PCDHGA3: variants seen among roughly 807,000 people sequenced by gnomAD.
PCDHGA3 encodes protocadherin gamma subfamily A, 3.
A neutral mutation model predicts 58.5 loss-of-function variants in PCDHGA3; 40 were observed. The ratio of observed to expected loss-of-function variants is 0.68; its 90% CI spans 0.53 to 0.89. The LOEUF (loss-of-function observed/expected upper bound fraction) is 0.89. Among genes scored for constraint, PCDHGA3 ranks in the 40% least tolerant of loss-of-function variants. PCDHGA3 has a pLI of 0.00. For synonymous variants in PCDHGA3, 530 were observed against 525.7 expected, an observed-to-expected ratio of 1.01 and a Z score of -0.11; for missense variants, 1,223 against 1,195.9, an observed-to-expected ratio of 1.02 and a Z score of -0.33.
chr5:141,360,607 CT>C, intron 1 of PCDHGA3: 1 of 1,614,018 alleles, frequency 6.2e-7, no homozygotes, highest in Middle Eastern at 1.7e-4. Flanking sequence ...TGACCCAGCC[CT>C]GGATTCAGAT....
At chr5:141,365,453 G>A (rs1370392916) in intron 1 of PCDHGA3, 1 of 1,613,902 alleles carries the variant, frequency 6.2e-7, no homozygotes, top group Non-Finnish European at 8.5e-7. Context: ...ACATGATGGT[G>A]ATTCTGGAGA....
chr5:141,363,393 A>G (rs906655840), intron 1 of PCDHGA3, among the ~76,000 whole-genome samples: 2 of 152,232 alleles, frequency 1.3e-5, no homozygotes, highest in Non-Finnish European at 2.9e-5. Flanking sequence ...TTCTGTTGTC[A>G]TATAAAGATG....
chr5:141,418,254 A>T (rs1217236221), intron 1 of PCDHGA3: 2 of 1,613,904 alleles, frequency 1.2e-6, no homozygotes, highest in African/African-American at 2.7e-5. Flanking sequence ...CACGCCCCTC[A>T]ATTCCGGAAA....
chr5:141,426,086 G>A (rs751467304), intron 1 of PCDHGA3, among the ~76,000 whole-genome samples: 5 of 152,218 alleles, frequency 3.3e-5, no homozygotes, highest in Non-Finnish European at 7.3e-5. Context: ...CTACCAGGAC[G>A]ATATTCTGTT....
Position 141,392,858 on chromosome 5 carries a change from G to A in PCDHGA3, c.2424+46401G>A, listed in dbSNP as rs764346882. The A allele has an allele frequency of 1.9e-5, 31 of 1,612,486 alleles. No homozygotes were observed. The East Asian group carries it at 6.2e-4, about 32-fold the overall frequency. ...GCCCCAGACGCGGCGAGCTGATCCT[G>A]CTGTGCGCGCTGCTGGGAACGCTGT... On this transcript the variant is annotated intron_variant, in intron 1 of 3. Transcript: ENST00000253812.
At chr5:141,398,621 ACT>A in intron 1 of PCDHGA3, 3 of 1,613,968 alleles carry the variant, frequency 1.9e-6, no homozygotes, top group Non-Finnish European at 2.5e-6. Flanking sequence ...ATTGGCTTAA[ACT>A]CTCTGCAGAA....
At position 141,476,749 on chromosome 5, in the gene PCDHGA3, G is replaced by C; in HGVS notation, c.2425-18058G>C. On this transcript the variant is annotated intron_variant, in intron 1 of 3. Transcript: ENST00000253812. The surrounding 1 kb of genome is among the most constrained non-coding windows in gnomAD (Gnocchi z 7.6). ...ACCGAGAACGGGAGCCTAGTCTCCA[G>C]TTAGTGCTGACGGCGTTGGACGGAG... is the stretch of plus-strand genomic sequence containing the variant. 1.9e-6 allele frequency: 3 copies of C among 1,614,042 alleles called. No homozygotes were observed. The highest frequency in any genetic ancestry group is 2.5e-6 in the Non-Finnish European group (3 of 1,180,038).
rs746913952 is a variant in PCDHGA3, at chr5:141,432,898, G to A, written c.2425-61909G>A. The A allele has an allele frequency of 1.2e-6, 2 of 1,614,174 alleles. No homozygotes were observed. Among genetic ancestry groups the A allele is most frequent in the South Asian group, 1.1e-5 (1 of 91,090 alleles). On this transcript the variant is annotated intron_variant, in intron 1 of 3. Transcript: ENST00000253812. This position sits in a 1 kb window ranked among gnomAD's most constrained non-coding sequence, Gnocchi z 6.0. ...TGGCCTTCGTCATCTTGCTGCTGGC[G>A]CTCAGGCTGCGGCGCTGGCACAAGT...
At chr5:141,389,671 C>T in intron 1 of PCDHGA3, 1 of 1,612,458 alleles carries the variant, frequency 6.2e-7, no homozygotes, top group Non-Finnish European at 8.5e-7. Flanking sequence ...GACGCAGACT[C>T]AGGACACAAC....
chr5:141,446,639 G>T (rs1461520959), intron 1 of PCDHGA3, among the ~76,000 whole-genome samples: 7 of 152,116 alleles, frequency 4.6e-5, no homozygotes, highest in Non-Finnish European at 8.8e-5. Flanking sequence ...ACCACGCCTG[G>T]CTAATTTTTG....
chr5:141,448,323 A>G (rs2098582223), intron 1 of PCDHGA3, among the ~76,000 whole-genome samples: 1 of 152,080 alleles, frequency 6.6e-6, no homozygotes, highest in Non-Finnish European at 1.5e-5. Flanking sequence ...TTTTCTTTGA[A>G]TCTTTATAGC....
At chr5:141,356,591 A>G in intron 1 of PCDHGA3, 2 of 1,614,128 alleles carry the variant, frequency 1.2e-6, no homozygotes, top group Non-Finnish European at 1.7e-6. Flanking sequence ...ATTCCTGAAA[A>G]CAACCCCAGA....
chr5:141,495,817 T>G (rs2099764054), intron 2 of PCDHGA3, among the ~76,000 whole-genome samples: 1 of 152,110 alleles, frequency 6.6e-6, no homozygotes, highest in African/African-American at 2.4e-5. Context: ...TAGCGCCTTG[T>G]GTTCTTCTAT....
At chr5:141,427,678 C>T in intron 1 of PCDHGA3, 1 of 822,634 alleles carries the variant, frequency 1.2e-6, no homozygotes, top group Non-Finnish European at 2.0e-6. Flanking sequence ...AACAACCTTC[C>T]CGGAGCCTCC....
chr5:141,415,147 C>T (rs779194230), intron 1 of PCDHGA3: 17 of 1,613,668 alleles, frequency 1.1e-5, no homozygotes, highest in African/African-American at 1.3e-5. Context: ...CCAGCCCCCT[C>T]TCTCCGCCAC....
intron 1 of PCDHGA3, chr5:141,391,083 G>C (rs974357992): frequency 1.3e-5 from 2 of 152,152 alleles, no homozygotes; most frequent in Non-Finnish European, 2.9e-5. Flanking sequence ...ATGTGTAACT[G>C]CCTTATCTGC....
intron 1 of PCDHGA3, among the ~76,000 whole-genome samples, chr5:141,460,912 G>GTATA (rs34683754): frequency 4.0e-5 from 6 of 149,324 alleles, no homozygotes; most frequent in South Asian, 2.1e-4. Context: ...ATTCCATGGT[G>GTATA]TATATATATA....
intron 1 of PCDHGA3, chr5:141,374,852 G>A (rs1770895051): frequency 5.0e-6 from 8 of 1,613,798 alleles, no homozygotes; most frequent in Non-Finnish European, 4.2e-6. Flanking sequence ...AAACCTGCCA[G>A]TAGGCACACC....
At chr5:141,371,173 C>T in intron 1 of PCDHGA3, 8 of 1,613,998 alleles carry the variant, frequency 5.0e-6, no homozygotes, top group Non-Finnish European at 6.8e-6. Context: ...GCTGGCTCCT[C>T]CGTATTAAAA....
Sources: allele counts gnomAD v4.1 joint callset (sites outside exome capture counted in the v4.1 genomes callset), GRCh38; gene constraint gnomAD v4.1.1; non-coding constraint Gnocchi (gnomAD v3.1); transcripts MANE v1.5; gene names NCBI Gene and HGNC (gene_info 2026-07-23, HGNC 2026-07-21).